ACVRL1: variants seen among roughly 807,000 people sequenced by gnomAD.
ACVRL1 encodes the protein activin A receptor like type 1.
A neutral mutation model predicts 51.9 loss-of-function variants in ACVRL1; 20 were observed. The ratio of observed to expected loss-of-function variants is 0.39; its 90% confidence interval spans 0.27 to 0.56. ACVRL1 has a LOEUF of 0.56. ACVRL1 is among the 20% of genes least tolerant of loss of function. The pLI, the probability that ACVRL1 is intolerant of heterozygous loss-of-function variation, is 0.67. For synonymous variants in ACVRL1, 288 were observed against 280.9 expected, an observed-to-expected ratio of 1.03 and a Z score of -0.25; for missense variants, 451 against 670.3, an observed-to-expected ratio of 0.67 and a Z score of 3.61.
chr12:51,918,940 T>C, intron 8 of ACVRL1, 45 bp from the exon 9 acceptor site: 4 of 1,614,146 alleles, frequency 2.5e-6, no homozygotes, highest in Non-Finnish European at 3.4e-6. Flanking sequence ...GTATTGGGCC[T>C]CCTTAGAGTC....
At position 51,917,695 on chromosome 12, in the gene ACVRL1, C is replaced by T. The variant is rs764176362; in HGVS notation, c.1247-1290C>T. ...GTCACCGGTCCCTTGGGGAGACTCA[C>T]GAGGTGCTTAGATTCCTCAAGACTC... On this transcript the variant is annotated intron_variant, in intron 8 of 9. Coordinates refer to ENST00000388922, the MANE Select transcript of ACVRL1 (RefSeq NM_000020.3). This position sits in a 1 kb window ranked among gnomAD's most constrained non-coding sequence, Gnocchi z 4.2. Among the ~76,000 whole-genome samples, 16 of 152,088 alleles carry T rather than the reference C, an allele frequency of 1.1e-4. No individual in the cohort carries two copies. Among genetic ancestry groups the T allele is most frequent in the Admixed American group, 6.6e-5 (1 of 15,260 alleles).
chr12:51,917,435 G>A lies in ACVRL1; in HGVS notation c.1246+1202G>A, dbSNP rs568838307. Among the ~76,000 whole-genome samples the A allele has an allele frequency of 1.3e-5, 2 of 152,318 alleles. No homozygotes were observed. The highest frequency in any genetic ancestry group is 6.5e-5 in the Admixed American group (1 of 15,304). On this transcript the variant is annotated intron_variant, in intron 8 of 9. Transcript: ENST00000388922. This position sits in a 1 kb window ranked among gnomAD's most constrained non-coding sequence, Gnocchi z 4.2. ...ATGTTCTCTCAGCCCTGGAGTGGAC[G>A]GAGGATAGGTGGGTCGTCTAGACTG... is the stretch of plus-strand genomic sequence containing the variant.
intron 9 of ACVRL1, among the ~76,000 whole-genome samples, chr12:51,920,458 G>T (rs1028988953): frequency 1.3e-5 from 2 of 152,050 alleles, no homozygotes; most frequent in Admixed American, 6.5e-5. Context: ...CTTTCTGTCC[G>T]CCCTGTCTTT....
At chr12:51,910,291 A>G (rs1940663438) in intron 1 of ACVRL1, among the ~76,000 whole-genome samples, 1 of 152,116 alleles carries the variant, frequency 6.6e-6, no homozygotes, top group Non-Finnish European at 1.5e-5. Flanking sequence ...CTCCCTCTGC[A>G]TCCCACTCCC....
At position 51,920,824 on chromosome 12, in the gene ACVRL1, C is replaced by T. The variant is rs1219639551; in HGVS notation, c.1443C>T (p.Thr481=). 1.2e-5 allele frequency: 19 copies of T among 1,613,288 alleles called. No individual in the cohort carries two copies. Among genetic ancestry groups the T allele is most frequent in the African/African-American group, 2.7e-5 (2 of 74,834 alleles). ...ACCCAAACCCCTCTGCCCGACTCACCGCGCTGCGGATCAAGAAGACACTAC... is the reference window on the plus strand; with the variant it reads ...ACCCAAACCCCTCTGCCCGACTCACTGCGCTGCGGATCAAGAAGACACTAC... ...CWYPNPSARL[T]ALRIKKTLQK... The change falls in exon 10 of 10, where the codon ACC becomes ACT. Residue 481 remains threonine, a synonymous_variant. Transcript: ENST00000388922.
chr12:51,915,628 C>A (rs2139074796), intron 7 of ACVRL1, 128 bp downstream of exon 7: 1 of 1,287,398 alleles, frequency 7.8e-7, no homozygotes, highest in Non-Finnish European at 1.0e-6. Flanking sequence ...TGTTTCAGTT[C>A]TCCTCCGCAA....
Position 51,919,412 on chromosome 12 carries a change from T to A in ACVRL1, c.1377+297T>A, listed in dbSNP as rs1150051. 0.27 allele frequency: 116,742 copies of A among 436,392 alleles called. 17,912 individuals carry two copies. Among genetic ancestry groups the A allele is most frequent in the African/African-American group, 0.49 (24,020 of 48,636 alleles). The allele number at this position is 436,392 out of a possible 1,614,324, so 27.0% of individuals were successfully genotyped here. On this transcript the variant is annotated intron_variant, in intron 9 of 9. Transcript: ENST00000388922. ...GTGTGTGTGTGTGTGTGTTTGAGAG[T>A]CAGGGTTTTGTTTGCTCTTGTCACC...
intron 4 of ACVRL1, 81 bp downstream of exon 4, chr12:51,913,851 A>G: frequency 6.3e-7 from 1 of 1,581,854 alleles, no homozygotes; most frequent in Non-Finnish European, 8.6e-7. Flanking sequence ...CCCAGAGATT[A>G]GAGCCGGTGG....
At chr12:51,915,102 C>T in intron 6 of ACVRL1, 123 bp from the exon 7 acceptor site, 1 of 1,136,608 alleles carries the variant, frequency 8.8e-7, no homozygotes, top group Non-Finnish European at 1.3e-6. Context: ...ACCCCCACCC[C>T]CAGACCTAGC....
At chr12:51,916,288 G>C (rs1940840383) in intron 8 of ACVRL1, 55 bp downstream of exon 8, 1 of 1,581,876 alleles carries the variant, frequency 6.3e-7, no homozygotes, top group African/African-American at 1.3e-5. Context: ...GTGGAGCCAG[G>C]GGCTTCCAGC....
At position 51,917,623 on chromosome 12, in the gene ACVRL1, A is replaced by G. The variant is rs1363896822; in HGVS notation, c.1247-1362A>G. ...CTACCAGGAGCCAGCCCCATGCCAG[A>G]CTTCATTTGTCCTCGGTGGTCATCA... On this transcript the variant is annotated intron_variant, in intron 8 of 9. Coordinates refer to ENST00000388922, the MANE Select transcript of ACVRL1 (RefSeq NM_000020.3). This position sits in a 1 kb window ranked among gnomAD's most constrained non-coding sequence, Gnocchi z 4.2. Among the ~76,000 whole-genome samples the G allele has an allele frequency of 6.6e-6, 1 of 151,534 alleles. No homozygotes were observed. Among genetic ancestry groups the G allele is most frequent in the African/African-American group, 2.4e-5 (1 of 41,232 alleles).
Position 51,913,620 on chromosome 12 carries a change from C to G in ACVRL1, c.375C>G (p.Pro125=), listed in dbSNP as rs148975811. Residue 125 remains proline (P), a synonymous_variant, in exon 4 of 10, where the codon CCC becomes CCG. Coordinates refer to ENST00000388922, the MANE Select transcript of ACVRL1 (RefSeq NM_000020.3). The part of the protein sequence containing the change: ...TDGQLALILG[P]VLALLALVAL... ...GCCAGCTGGCCCTGATCCTGGGCCC[C>G]GTGCTGGCCTTGCTGGCCCTGGTGG... 1.9e-6 allele frequency: 3 copies of G among 1,603,158 alleles called. No individual in the cohort carries two copies. The highest frequency in any genetic ancestry group is 2.7e-5 in the African/African-American group (2 of 74,938).
At chr12:51,915,940 C>G in intron 7 of ACVRL1, 96 bp from the exon 8 acceptor site, 1 of 1,391,182 alleles carries the variant, frequency 7.2e-7, no homozygotes, top group South Asian at 1.3e-5. Context: ...CTGCCTTCCC[C>G]TCTCTGTCCC....
chr12:51,915,685 C>T (rs1053301312), intron 7 of ACVRL1, 185 bp downstream of exon 7: 19 of 845,176 alleles, frequency 2.2e-5, no homozygotes, highest in Non-Finnish European at 2.8e-5. Context: ...AGATTCCTTC[C>T]ACCATACCAT....
chr12:51,918,671 A>C (rs146037836), intron 8 of ACVRL1, among the ~76,000 whole-genome samples: 337 of 152,246 alleles, frequency 2.2e-3, no homozygotes, highest in Non-Finnish European at 3.2e-3. Flanking sequence ...CCCTTCTCTG[A>C]GCATCAGTTT....
chr12:51,913,234 A>G lies in ACVRL1; in HGVS notation c.197A>G (p.His66Arg), dbSNP rs1263846693. ...GAGGAGGGGAGGCACCCCCAGGAAC[A>G]TCGGGGCTGCGGGAACTTGCACAGG... ...VREEGRHPQEHRGCGNLHREL... is the reference protein window; with the variant it reads ...VREEGRHPQERRGCGNLHREL... The change falls in exon 3 of 10, where the codon CAT (histidine) becomes CGT (arginine). Residue 66 changes from histidine (H) to arginine (R), a missense_variant. By Grantham distance (29) the His-to-Arg change is conservative. This residue lies in a region of ACVRL1 where 192 missense variants were observed against 216.9 expected (regional missense o/e 0.89). Transcript: ENST00000388922. 1 of 1,590,786 alleles carries G rather than the reference A, an allele frequency of 6.3e-7. No individual in the cohort carries two copies. The highest frequency in any genetic ancestry group is 8.6e-7 in the Non-Finnish European group (1 of 1,168,868).
intron 6 of ACVRL1, 99 bp downstream of exon 6, chr12:51,914,684 A>G: frequency 1.6e-6 from 2 of 1,221,706 alleles, no homozygotes; most frequent in Non-Finnish European, 2.3e-6. Context: ...ACCCTGAAGG[A>G]CTCTCAGCCC....
intron 8 of ACVRL1, among the ~76,000 whole-genome samples, chr12:51,916,915 G>A (rs1445472692): frequency 1.3e-5 from 2 of 152,060 alleles, no homozygotes; most frequent in East Asian, 1.9e-4. Flanking sequence ...CAGAGGTTGC[G>A]GTGAGCCAAG....
chr12:51,912,592 G>T, intron 2 of ACVRL1, 57 bp downstream of exon 2: 1 of 1,454,874 alleles, frequency 6.9e-7, no homozygotes, highest in Non-Finnish European at 9.6e-7. Flanking sequence ...AGGGCTATCT[G>T]GGCCCAGATC....
Sources: gnomAD v4.1 joint callset for allele counts (sites outside exome capture counted in the v4.1 genomes callset) on GRCh38, gnomAD v4.1.1 for gene constraint, gnomAD v4.1.1 regional missense constraint, Gnocchi (gnomAD v3.1) non-coding constraint, MANE v1.5 for transcripts, NCBI Gene and HGNC (gene_info 2026-07-23, HGNC 2026-07-21) for gene names.